The following CD8B2 variants were observed in gnomAD, a reference collection of about 807,000 sequenced individuals.
CD8B2 encodes the protein T-cell surface glycoprotein CD8 beta-2 chain.
A neutral mutation model predicts 23.7 loss-of-function variants in CD8B2; 11 were observed. The observed-to-expected ratio is 0.46, with a 90% CI of 0.29 to 0.77. CD8B2 has a LOEUF of 0.77. Among genes scored for constraint, CD8B2 ranks in the 30% least tolerant of loss-of-function variants. The probability of loss-of-function intolerance (pLI) is 0.09; values close to 1 mark genes in which losing one functional copy is unlikely to be tolerated. For synonymous variants in CD8B2, 90 were observed against 109.3 expected (o/e 0.82, Z 1.10); for missense variants, 197 against 270.5 (o/e 0.73, Z 1.91).
At chr2:106,487,555 C>A in intron 1 of CD8B2, 86 bp downstream of exon 1, 3 of 820,680 alleles carry the variant, frequency 3.7e-6, no homozygotes, top group South Asian at 6.0e-5. Context: ...TGGCCCTGGT[C>A]CTGGCAGGGT....
At position 106,541,776 on chromosome 2, in the gene CD8B2, G is replaced by A. The variant is rs185766756; in HGVS notation, c.621-2216G>A. On this transcript the variant is annotated intron_variant, in intron 5 of 5. Transcript: ENST00000416057. ...TTGTGAAAGGCATTCTTTATTGCAG[G>A]TTGCAGTTTAAAAAGTTGGAAAGTC... is the stretch of plus-strand genomic sequence containing the variant. 1.8e-3 allele frequency among the ~76,000 whole-genome samples: 277 copies of A among 152,292 alleles called. 5 individuals carry two copies. The highest frequency in any genetic ancestry group is 1.2e-3 in the Non-Finnish European group (83 of 68,024).
At chr2:106,489,436 G>A (rs1679148202) in intron 1 of CD8B2, among the ~76,000 whole-genome samples, 1 of 152,018 alleles carries the variant, frequency 6.6e-6, no homozygotes. Context: ...GTGCAGGCAG[G>A]ATTTTAAACA....
Position 106,524,263 on chromosome 2 carries a change from G to A in CD8B2, c.621-19729G>A, listed in dbSNP as rs537216581. On this transcript the variant is annotated intron_variant, in intron 5 of 5. Transcript: ENST00000416057. ...GGGTCAGAGTTCTATTTTCATACATGGTCAGGCCATTGTCCCTTTGTATAT... is the reference window on the plus strand; with the variant it reads ...GGGTCAGAGTTCTATTTTCATACATAGTCAGGCCATTGTCCCTTTGTATAT... 3.9e-5 allele frequency among the ~76,000 whole-genome samples: 6 copies of A among 152,266 alleles called. No homozygotes were observed. In the South Asian group the frequency reaches 1.2e-3, roughly 32 times the overall value.
chr2:106,539,668 C>T (rs1049904885), intron 5 of CD8B2, among the ~76,000 whole-genome samples: 3 of 152,178 alleles, frequency 2.0e-5, no homozygotes, highest in African/African-American at 7.2e-5. Context: ...TTATCATTGT[C>T]TCTACAGTGT....
intron 5 of CD8B2, chr2:106,535,154 G>A (rs1680067069): frequency 6.6e-6 from 1 of 152,080 alleles, no homozygotes; most frequent in Non-Finnish European, 1.5e-5. Flanking sequence ...ATGTCCCAAC[G>A]GTACCTTTTG....
At position 106,519,431 on chromosome 2, in the gene CD8B2, A is replaced by T. The variant is rs746401270; in HGVS notation, c.620+15106A>T. Among the ~76,000 whole-genome samples, 68 of 152,354 alleles carry T rather than the reference A, an allele frequency of 4.5e-4. 1 individual carries two copies. Among genetic ancestry groups the T allele is most frequent in the Admixed American group, 1.0e-3 (16 of 15,310 alleles). On this transcript the variant is annotated intron_variant, in intron 5 of 5. Transcript: ENST00000416057. ...AGTTATTTTCTTAATTCCTCATAAC[A>T]TCACTGAACCAGGCCCTGTATTGAG...
At chr2:106,502,992 T>C (rs1034031420) in intron 4 of CD8B2, among the ~76,000 whole-genome samples, 10 of 151,240 alleles carry the variant, frequency 6.6e-5, no homozygotes, top group Middle Eastern at 3.4e-3. Context: ...GGGGTTTGTG[T>C]TGTGTTCCTA....
At chr2:106,524,720 T>C (rs1005961231) in intron 5 of CD8B2, among the ~76,000 whole-genome samples, 18 of 152,194 alleles carry the variant, frequency 1.2e-4, no homozygotes, top group Non-Finnish European at 1.3e-4. Flanking sequence ...ATCCCTTGCA[T>C]CTCCAGGCTC....
intron 5 of CD8B2, among the ~76,000 whole-genome samples, chr2:106,519,730 C>T (rs1679792897): frequency 6.6e-6 from 1 of 152,228 alleles, no homozygotes; most frequent in Admixed American, 6.5e-5. Context: ...GGAAGAAGAA[C>T]TGTCTTGGGC....
exon 6 of CD8B2, chr2:106,544,031 T>A (rs964351582): frequency 2.5e-6 from 1 of 398,570 alleles, no homozygotes; most frequent in African/African-American, 2.1e-5. Context: ...TCCCCATGGA[T>A]GCCTAGCAAG....
At chr2:106,492,318 T>C (rs1330108169) in intron 2 of CD8B2, among the ~76,000 whole-genome samples, 1 of 152,204 alleles carries the variant, frequency 6.6e-6, no homozygotes, top group East Asian at 1.9e-4. Flanking sequence ...TAAAGTCATG[T>C]TTAAAAAAGC....
chr2:106,527,904 C>A (rs1679937156), intron 5 of CD8B2, among the ~76,000 whole-genome samples: 2 of 152,226 alleles, frequency 1.3e-5, no homozygotes, highest in Admixed American at 6.5e-5. Context: ...ATCCTCCACA[C>A]CCCCTCTCTG....
chr2:106,544,161 G>T (rs897242687), exon 6 of CD8B2: 19 of 398,076 alleles, frequency 4.8e-5, no homozygotes, highest in African/African-American at 2.7e-4. Context: ...GACTGCATGC[G>T]TGTCTAGCGA....
chr2:106,488,609 G>A (rs1679128228), intron 1 of CD8B2, among the ~76,000 whole-genome samples: 1 of 152,218 alleles, frequency 6.6e-6, no homozygotes, highest in African/African-American at 2.4e-5. Flanking sequence ...TCGGGGAGAG[G>A]ATTGCAGGTT....
chr2:106,513,126 C>CA (rs1443159934), downstream of CD8B2, among the ~76,000 whole-genome samples: 3 of 151,922 alleles, frequency 2.0e-5, no homozygotes, highest in African/African-American at 4.8e-5. Context: ...CCCATCCGCC[C>CA]ACCCACCTTT....
At chr2:106,540,342 GA>G (rs1680152632) in intron 5 of CD8B2, among the ~76,000 whole-genome samples, 1 of 152,100 alleles carries the variant, frequency 6.6e-6, no homozygotes, top group African/African-American at 2.4e-5. Context: ...TTACTGCAAA[GA>G]AATGACAATT....
In CD8B2 at chr2:106,533,720, A is replaced by G. The variant is rs79458140; in HGVS notation, c.621-10272A>G. 4.7e-3 allele frequency among the ~76,000 whole-genome samples: 714 copies of G among 152,340 alleles called. 5 individuals carry two copies. Among genetic ancestry groups the G allele is most frequent in the African/African-American group, 0.016 (667 of 41,582 alleles). ...GCTGGAAAGGAAATGGAGACCTTTTAGTTGTCTGAAATCTGATTGGCTTAG... is the reference window on the plus strand; with the variant it reads ...GCTGGAAAGGAAATGGAGACCTTTTGGTTGTCTGAAATCTGATTGGCTTAG... On this transcript the variant is annotated intron_variant, in intron 5 of 5. Transcript: ENST00000416057.
At chr2:106,511,893 C>T (rs746945529), downstream of CD8B2, among the ~76,000 whole-genome samples, 1 of 152,218 alleles carries the variant, frequency 6.6e-6, no homozygotes, top group Non-Finnish European at 1.5e-5. Context: ...ATGCACGACA[C>T]GTGTGATTCC....
chr2:106,507,110 C>T lies in CD8B2; in HGVS notation c.*170C>T, dbSNP rs1679524455. On this transcript the variant is annotated 3_prime_UTR_variant, in exon 6 of 6. Coordinates refer to ENST00000643224, the MANE Select transcript of CD8B2 (RefSeq NM_001349727.2). ...TTTCTGTGTGTGACGTGCATGGGAG[C>T]AACTTGTTTGTGGGTCATCGGGAAT... is the stretch of plus-strand genomic sequence containing the variant. 5 of 1,497,636 alleles carry T rather than the reference C, an allele frequency of 3.3e-6. No homozygotes were observed. Among genetic ancestry groups the T allele is most frequent in the Non-Finnish European group, 4.4e-6 (5 of 1,124,114 alleles). 92.8% of individuals were successfully genotyped at this position (1,497,636 alleles called of 1,614,324 possible). A position where few individuals can be genotyped will look rare whatever the true frequency, so the allele number is the denominator to read the frequency against.
Sources: gnomAD v4.1 joint callset for allele counts (sites outside exome capture counted in the v4.1 genomes callset) on GRCh38, gnomAD v4.1.1 for gene constraint, MANE v1.5 for transcripts, NCBI Gene and HGNC (gene_info 2026-07-23, HGNC 2026-07-21) for gene names.